ZNF496: variants seen among roughly 807,000 people sequenced by gnomAD.
ZNF496 encodes the protein NSD1 (nuclear receptor binding SET-domain containing 1)-interacting zinc finger protein 1.
ZNF496 carries 11 observed loss-of-function variants against 58.9 expected under a neutral mutation model. That is an observed-to-expected ratio of 0.19 (90% CI 0.12 to 0.31). ZNF496 has a LOEUF of 0.31. Ranked by LOEUF, ZNF496 falls within the 10% of genes least tolerant of loss-of-function variation. The pLI is 1.00. For synonymous variants in ZNF496, 338 were observed against 318.2 expected, an observed-to-expected ratio of 1.06 and a Z score of -0.66; for missense variants, 660 against 783.0, an observed-to-expected ratio of 0.84 and a Z score of 1.88.
At chr1:247,327,750 A>C (rs1660182495) in intron 5 of ZNF496, among the ~76,000 whole-genome samples, 1 of 136,910 alleles carries the variant, frequency 7.3e-6, no homozygotes, top group Admixed American at 7.2e-5. Flanking sequence ...CCCCCCAGAC[A>C]CTCTCTTTCC....
chr1:247,325,695 A>G (rs764439205), intron 5 of ZNF496, among the ~76,000 whole-genome samples: 4 of 151,970 alleles, frequency 2.6e-5, no homozygotes, highest in Non-Finnish European at 2.9e-5. Flanking sequence ...GGTTCTCGCT[A>G]TGTTGCCCAG....
At chr1:247,302,216 C>T (rs1659264494) in intron 9 of ZNF496, among the ~76,000 whole-genome samples, 1 of 152,100 alleles carries the variant, frequency 6.6e-6, no homozygotes, top group African/African-American at 2.4e-5. Context: ...TTAGTCTGGG[C>T]TTCATGACTG....
At chr1:247,315,796 A>G (rs1414420654) in intron 6 of ZNF496, among the ~76,000 whole-genome samples, 2 of 152,236 alleles carry the variant, frequency 1.3e-5, no homozygotes, top group Non-Finnish European at 2.9e-5. Context: ...TCTAAATTTG[A>G]GTCAGGGTTT....
rs554389773 is a variant in ZNF496 at position 247,299,066 on chromosome 1, T to G, written c.*1453A>C. On this transcript the variant is annotated 3_prime_UTR_variant, in exon 10 of 10. Coordinates refer to ENST00000682384, the MANE Select transcript of ZNF496 (RefSeq NM_032752.3). The stretch of plus-strand genomic sequence containing the variant: ...GTGAGCAAGCTCACTCAAGTTTGTA[T>G]TGACTCATCTGTAAATTAGGAATGA... The G allele has an allele frequency of 6.6e-6, 1 of 152,358 alleles. No individual in the cohort carries two copies. The highest frequency in any genetic ancestry group is 2.4e-5 in the African/African-American group (1 of 41,578). 9.4% of individuals were successfully genotyped at this position (152,358 alleles called of 1,614,324 possible).
chr1:247,323,173 G>C lies in ZNF496; in HGVS notation c.632C>G (p.Thr211Ser). Reference protein sequence around the residue: ...EENVRDTQQVTTLQLPPSRVS... With the variant: ...EENVRDTQQVSTLQLPPSRVS... ...ACTCACCGGGGGTAGCTGGAGGGTG[G>C]TCACCTGCTGTGTGTCCCGCACATT... is the stretch of plus-strand genomic sequence containing the variant. Residue 211 changes from threonine (T) to serine (S), a missense_variant, in exon 6 of 10, where the codon ACC becomes AGC. Thr to Ser is a moderately conservative substitution (Grantham distance 58, BLOSUM62 1). Coordinates refer to ENST00000682384, the MANE Select transcript of ZNF496 (RefSeq NM_032752.3). 6.2e-7 allele frequency: 1 copy of C among 1,613,922 alleles called. No homozygotes were observed. The highest frequency in any genetic ancestry group is 8.5e-7 in the Non-Finnish European group (1 of 1,179,858).
chr1:247,307,371 T>C (rs997071691), intron 9 of ZNF496: 14 of 985,190 alleles, frequency 1.4e-5, no homozygotes, highest in Admixed American at 6.2e-5. Context: ...AAGAATGGAG[T>C]TGAAAACTCC....
At chr1:247,317,275 C>T (rs562749476) in intron 6 of ZNF496, among the ~76,000 whole-genome samples, 3 of 152,128 alleles carry the variant, frequency 2.0e-5, no homozygotes, top group South Asian at 2.1e-4. Flanking sequence ...GACTTGAAGC[C>T]GAAGGAGCCA....
chr1:247,327,132 T>G (rs1223034533), intron 5 of ZNF496, among the ~76,000 whole-genome samples: 1 of 152,174 alleles, frequency 6.6e-6, no homozygotes, highest in Non-Finnish European at 1.5e-5. Flanking sequence ...TGGCGTGATC[T>G]CAGCTCACTG....
chr1:247,305,021 A>C (rs1659366216), intron 9 of ZNF496, among the ~76,000 whole-genome samples: 1 of 152,176 alleles, frequency 6.6e-6, no homozygotes, highest in African/African-American at 2.4e-5. Context: ...GAGGTCTTAC[A>C]GGGGATGAAT....
At chr1:247,323,894 T>G (rs1448747393) in intron 5 of ZNF496, among the ~76,000 whole-genome samples, 1 of 151,810 alleles carries the variant, frequency 6.6e-6, no homozygotes, top group East Asian at 1.9e-4. Context: ...GTGGGAGGAT[T>G]GCTTAAGCTC....
rs766093339 is a variant in ZNF496, at chr1:247,300,819, C to G, written c.1464G>C (p.Pro488=). 6 of 1,606,600 alleles carry G rather than the reference C, an allele frequency of 3.7e-6. No homozygotes were observed. The highest frequency in any genetic ancestry group is 5.1e-6 in the Non-Finnish European group (6 of 1,175,260). The change falls in exon 10 of 10, where the codon CCG becomes CCC. Residue 488 remains proline (P), a synonymous_variant. Transcript: ENST00000682384. The surrounding 1 kb of genome is among the most constrained non-coding windows in gnomAD (Gnocchi z 5.7). ...TCTTCTCCACCGGCTGGAGTCTGTC[C>G]GGCTGCAGGTGTATCCGCCGGTGGG... is the stretch of plus-strand genomic sequence containing the variant. ...LLSHRRIHLQ[P]DRLQPVEKRE...
intron 6 of ZNF496, among the ~76,000 whole-genome samples, chr1:247,318,079 C>T (rs1230580029): frequency 6.6e-6 from 1 of 152,006 alleles, no homozygotes; most frequent in Non-Finnish European, 1.5e-5. Context: ...CAGTACAAAC[C>T]ACAATATGAA....
chr1:247,314,523 AT>A, intron 6 of ZNF496, among the ~76,000 whole-genome samples: 1 of 150,376 alleles, frequency 6.6e-6, no homozygotes, highest in East Asian at 1.9e-4. Flanking sequence ...CCTTTATATA[AT>A]TGGAAAGGAC....
chr1:247,323,691 G>A (rs1021189208), intron 5 of ZNF496, among the ~76,000 whole-genome samples: 1 of 151,886 alleles, frequency 6.6e-6, no homozygotes, highest in African/African-American at 2.4e-5. Context: ...TGGGGACTGA[G>A]GTGGGAGAAT....
At chr1:247,322,412 G>A (rs572006412) in intron 6 of ZNF496, among the ~76,000 whole-genome samples, 34 of 152,318 alleles carry the variant, frequency 2.2e-4, no homozygotes, top group Middle Eastern at 3.4e-3. Context: ...GTTGGGTAAG[G>A]AGCAACTAAA....
chr1:247,311,653 G>A (rs559641478), intron 6 of ZNF496: 2 of 152,306 alleles, frequency 1.3e-5, no homozygotes, highest in South Asian at 2.1e-4. Context: ...CAGGCCCACT[G>A]TGTTGGGAGG....
intron 9 of ZNF496, chr1:247,307,513 T>C (rs1264392441): frequency 1.0e-6 from 1 of 985,288 alleles, no homozygotes; most frequent in Non-Finnish European, 1.2e-6. Flanking sequence ...GAACTCCAAG[T>C]GGACCCCAAA....
rs528687306 is a variant in ZNF496, at chr1:247,307,197, C to T, written c.1006+1278G>A. ...GAAGCAGACCTTATCACCAGCTATC[C>T]GGCATCAGCTGGCGGGAAAAGCCTT... On this transcript the variant is annotated intron_variant, in intron 9 of 9. Coordinates refer to ENST00000682384, the MANE Select transcript of ZNF496 (RefSeq NM_032752.3). 1.0e-5 allele frequency: 10 copies of T among 985,394 alleles called. No individual in the cohort carries two copies. The East Asian group carries it at 4.5e-4, about 45-fold the overall frequency. 61.0% of individuals were successfully genotyped at this position (985,394 alleles called of 1,614,324 possible).
intron 5 of ZNF496, among the ~76,000 whole-genome samples, chr1:247,326,807 A>G (rs1189550272): frequency 1.3e-5 from 2 of 152,196 alleles, no homozygotes; most frequent in African/African-American, 4.8e-5. Flanking sequence ...TACTTATAAG[A>G]AGAGGAGATT....
Sources: allele counts gnomAD v4.1 joint callset (sites outside exome capture counted in the v4.1 genomes callset), GRCh38; gene constraint gnomAD v4.1.1; non-coding constraint Gnocchi (gnomAD v3.1); transcripts MANE v1.5; gene names NCBI Gene and HGNC (gene_info 2026-07-23, HGNC 2026-07-21).